The following IL1RAPL2 variants were observed in gnomAD, a reference collection of about 807,000 sequenced individuals.
The protein encoded by IL1RAPL2 is interleukin 1 receptor accessory protein like 2.
IL1RAPL2 carries 3 observed loss-of-function variants against 44.1 expected under a neutral mutation model. The ratio of observed to expected loss-of-function variants is 0.07; its 90% CI spans 0.03 to 0.18. The LOEUF (loss-of-function observed/expected upper bound fraction) is 0.18, where lower values mean the gene tolerates loss of function less well. Among genes scored for constraint, IL1RAPL2 ranks in the 10% least tolerant of loss-of-function variants. The pLI, the probability that IL1RAPL2 is intolerant of heterozygous loss-of-function variation, is 1.00. For missense variants in IL1RAPL2, 391 were observed against 496.4 expected, an observed-to-expected ratio of 0.79 and a Z score of 2.02; for synonymous variants, 181 against 178.8, an observed-to-expected ratio of 1.01 and a Z score of -0.10.
chrX:105,130,032 T>C (rs971529810), intron 2 of IL1RAPL2, among the ~76,000 whole-genome samples: 6 of 111,290 alleles, frequency 5.4e-5, no homozygotes, highest in Non-Finnish European at 1.1e-4. Flanking sequence ...TTCTGTATAC[T>C]AGACACATGT....
At chrX:104,907,268 A>G (rs1262862922) in intron 2 of IL1RAPL2, among the ~76,000 whole-genome samples, 3 of 111,155 alleles carry the variant, frequency 2.7e-5, no homozygotes, top group Admixed American at 1.9e-4. Context: ...TGGATTCATT[A>G]ATTTTTTGAA....
chrX:104,667,788 T>C (rs1462609461), intron 2 of IL1RAPL2, among the ~76,000 whole-genome samples: 1 of 111,657 alleles, frequency 9.0e-6, no homozygotes, highest in Non-Finnish European at 1.9e-5. Context: ...GATTCCAAAG[T>C]TTATGCTCTT....
At chrX:104,668,184 C>T (rs1317117256) in intron 2 of IL1RAPL2, among the ~76,000 whole-genome samples, 2 of 110,918 alleles carry the variant, frequency 1.8e-5, no homozygotes, top group African/African-American at 6.5e-5. Flanking sequence ...TTTTGAATAC[C>T]TCCACAATTT....
intron 2 of IL1RAPL2, among the ~76,000 whole-genome samples, chrX:104,827,358 G>A (rs760125514): frequency 1.8e-5 from 2 of 111,085 alleles, no homozygotes; most frequent in African/African-American, 3.3e-5. Flanking sequence ...TGTCTGTAAA[G>A]GAGTTTATTT....
At chrX:105,566,514 C>G (rs1021608572) in intron 6 of IL1RAPL2, among the ~76,000 whole-genome samples, 3 of 111,446 alleles carry the variant, frequency 2.7e-5, no homozygotes, top group Non-Finnish European at 5.7e-5. Flanking sequence ...GTCTCTTACT[C>G]AAATAATTAC....
intron 2 of IL1RAPL2, among the ~76,000 whole-genome samples, chrX:104,675,902 T>C (rs1930741001): frequency 9.4e-6 from 1 of 106,588 alleles, no homozygotes; most frequent in Non-Finnish European, 2.0e-5. Context: ...GTCTGTTTTA[T>C]CAGAGACTAG....
chrX:105,483,373 C>T (rs947673199), intron 5 of IL1RAPL2, among the ~76,000 whole-genome samples: 1 of 111,417 alleles, frequency 9.0e-6, no homozygotes, highest in Non-Finnish European at 1.9e-5. Flanking sequence ...GGCTCATTTT[C>T]CTCAAAGCAT....
At chrX:105,509,763 T>C (rs1299337491) in intron 6 of IL1RAPL2, among the ~76,000 whole-genome samples, 3 of 111,153 alleles carry the variant, frequency 2.7e-5, no homozygotes, top group African/African-American at 9.8e-5. Context: ...AGGGTAGTGT[T>C]TCCCTCTAAT....
At chrX:105,624,033 G>C (rs1360318575) in intron 6 of IL1RAPL2, among the ~76,000 whole-genome samples, 1 of 111,462 alleles carries the variant, frequency 9.0e-6, no homozygotes, top group African/African-American at 3.3e-5. Flanking sequence ...AGGGTGAATT[G>C]AAGTTAGCCA....
chrX:104,842,731 A>G (rs1456845717), intron 2 of IL1RAPL2, among the ~76,000 whole-genome samples: 1 of 112,536 alleles, frequency 8.9e-6, no homozygotes, highest in Non-Finnish European at 1.9e-5. Context: ...GCTGTAGAAC[A>G]GCAAAGATTG....
chrX:105,497,720 T>G (rs2036365875), intron 6 of IL1RAPL2, among the ~76,000 whole-genome samples: 1 of 111,891 alleles, frequency 8.9e-6, no homozygotes, highest in Non-Finnish European at 1.9e-5. Flanking sequence ...AAAAGGATCA[T>G]ACATCATGAC....
At chrX:105,653,265 C>T (rs1421407110) in intron 6 of IL1RAPL2, among the ~76,000 whole-genome samples, 1 of 111,008 alleles carries the variant, frequency 9.0e-6, no homozygotes, top group Non-Finnish European at 1.9e-5. Context: ...TAATTCTGCA[C>T]ATAAAAATGC....
chrX:105,033,594 C>T lies in IL1RAPL2; in HGVS notation c.83-161881C>T, dbSNP rs187224652. 5.3e-5 allele frequency among the ~76,000 whole-genome samples: 6 copies of T among 112,164 alleles called. No homozygotes were observed. The East Asian group carries it at 1.7e-3, about 32-fold the overall frequency. On this transcript the variant is annotated intron_variant, in intron 2 of 10. Transcript: ENST00000372582. Reference sequence around the variant, plus strand: ...TGTAGAGTTTCTGCAGTGCGATCAGCCGTTAGTCTGATTGGCTTCCCTTTG... The same window carrying T: ...TGTAGAGTTTCTGCAGTGCGATCAGTCGTTAGTCTGATTGGCTTCCCTTTG...
At chrX:105,361,702 G>A (rs1461463595) in intron 5 of IL1RAPL2, among the ~76,000 whole-genome samples, 1 of 111,479 alleles carries the variant, frequency 9.0e-6, no homozygotes, top group East Asian at 2.8e-4. Context: ...CCATTCCTTA[G>A]TTCTCAAGGG....
At chrX:105,760,587 A>AG (rs1050752612) in intron 10 of IL1RAPL2, among the ~76,000 whole-genome samples, 1 of 112,201 alleles carries the variant, frequency 8.9e-6, no homozygotes, top group Non-Finnish European at 1.9e-5. Context: ...TCACACCGTC[A>AG]TGCTTCCCCA....
chrX:105,040,049 T>C (rs1235870465), intron 2 of IL1RAPL2, among the ~76,000 whole-genome samples: 1 of 110,868 alleles, frequency 9.0e-6, no homozygotes, highest in Non-Finnish European at 1.9e-5. Flanking sequence ...TTTTGAGATA[T>C]GTCCCATCAG....
At chrX:105,091,006 G>T (rs2032537804) in intron 2 of IL1RAPL2, among the ~76,000 whole-genome samples, 1 of 112,082 alleles carries the variant, frequency 8.9e-6, no homozygotes, top group South Asian at 3.7e-4. Flanking sequence ...CAATTGCCTT[G>T]GCTAGTTGAA....
At chrX:104,988,420 A>G (rs1402152658) in intron 2 of IL1RAPL2, among the ~76,000 whole-genome samples, 1 of 112,329 alleles carries the variant, frequency 8.9e-6, no homozygotes, top group African/African-American at 3.2e-5. Flanking sequence ...GTTTCTATGC[A>G]TCTTAATAGA....
At chrX:105,040,920 G>T (rs1278018579) in intron 2 of IL1RAPL2, among the ~76,000 whole-genome samples, 2 of 99,470 alleles carry the variant, frequency 2.0e-5, no homozygotes, top group Admixed American at 2.2e-4. Flanking sequence ...CCTTCTGCTA[G>T]CTTTTGAATG....
Sources: allele counts gnomAD v4.1 joint callset (sites outside exome capture counted in the v4.1 genomes callset), GRCh38; gene constraint gnomAD v4.1.1; transcripts MANE v1.5; gene names NCBI Gene and HGNC (gene_info 2026-07-23, HGNC 2026-07-21).